Variants in CUL9 observed in about 807,000 individuals in gnomAD.
CUL9 encodes the protein cullin 9, also known as cullin-9.
Under a neutral mutation model 272.6 loss-of-function variants are expected in CUL9, and 79 were observed. The ratio of observed to expected loss-of-function variants is 0.29; its 90% CI spans 0.24 to 0.35. The LOEUF is 0.35. Among genes scored for constraint, CUL9 ranks in the 10% least tolerant of loss-of-function variants. The probability of loss-of-function intolerance (pLI) is 1.00; values close to 1 mark genes in which losing one functional copy is unlikely to be tolerated. For missense variants in CUL9, 2,532 were observed against 3,255.6 expected (o/e 0.78, Z 5.41); for synonymous variants, 1,186 against 1,286.5 (o/e 0.92, Z 1.67).
rs781601031 is a variant in CUL9, at chr6:43,203,837, G to A, written c.4026-17G>A. On this transcript the variant is annotated splice_polypyrimidine_tract_variant and intron_variant, in intron 19 of 40. Transcript: ENST00000252050. The surrounding 1 kb of genome is among the most constrained non-coding windows in gnomAD (Gnocchi z 5.0). ...ATCGGTGCCATTAATCCTCCGCCAT[G>A]CACTGTTTGTTCCCAGACTGAACAG... 17 of 1,598,664 alleles carry A rather than the reference G, an allele frequency of 1.1e-5. No individual in the cohort carries two copies. The highest frequency in any genetic ancestry group is 1.3e-5 in the African/African-American group (1 of 74,764).
rs1360887039 is a variant in CUL9, at chr6:43,221,355, CAAG to C, written c.6752+35_6752+37del. On this transcript the variant is annotated intron_variant, in intron 34 of 40. Transcript: ENST00000252050. The surrounding 1 kb of genome is among the most constrained non-coding windows in gnomAD (Gnocchi z 4.2). ...GGGGGTACTGTGGGGAGCCAGAGGG[CAAG>C]GAGGGGGGAGGAGGCCTGGCAGAAG... is the stretch of plus-strand genomic sequence containing the variant. 6.7e-7 allele frequency: 1 copy of C among 1,494,688 alleles called. No individual in the cohort carries two copies. The highest frequency in any genetic ancestry group is 8.9e-7 in the Non-Finnish European group (1 of 1,123,930). 92.6% of individuals were successfully genotyped at this position (1,494,688 alleles called of 1,614,324 possible). A position where few individuals can be genotyped will look rare whatever the true frequency, so the allele number is the denominator to read the frequency against.
At chr6:43,205,772 TG>T (rs1774994521) in intron 24 of CUL9, among the ~76,000 whole-genome samples, 1 of 147,088 alleles carries the variant, frequency 6.8e-6, no homozygotes, top group African/African-American at 2.5e-5. Context: ...GAGGTTGCAG[TG>T]AGCCAAGACC....
intron 8 of CUL9, among the ~76,000 whole-genome samples, chr6:43,189,869 G>T (rs1303784776): frequency 6.6e-6 from 1 of 152,170 alleles, no homozygotes; most frequent in African/African-American, 2.4e-5. Context: ...GAATGTAAAA[G>T]GACATAGGAG....
chr6:43,224,359 T>G lies in CUL9; in HGVS notation c.7468T>G (p.Phe2490Val), dbSNP rs369700562. 6.2e-7 allele frequency: 1 copy of G among 1,614,210 alleles called. No homozygotes were observed. The change falls in exon 41 of 41, where the codon TTC becomes GTC. Residue 2490 changes from phenylalanine to valine, a missense_variant. Phe to Val is a conservative substitution (Grantham distance 50). Transcript: ENST00000252050. The surrounding 1 kb of genome is among the most constrained non-coding windows in gnomAD (Gnocchi z 4.2). The part of the protein sequence containing the change: ...EFDEELDNDS[F>V]SYDESENLDQ... ...TGATGAGGAGCTGGACAATGACAGC[T>G]TCTCCTACGATGAGTCTGAGAACCT...
At chr6:43,217,841 C>G (rs937296470) in intron 31 of CUL9, among the ~76,000 whole-genome samples, 1 of 152,176 alleles carries the variant, frequency 6.6e-6, no homozygotes, top group African/African-American at 2.4e-5. Context: ...AAAATCCCAG[C>G]AAGAAATGAC....
chr6:43,200,978 AC>A lies in CUL9; in HGVS notation c.3647+146del. On this transcript the variant is annotated intron_variant, in intron 16 of 40. Coordinates refer to ENST00000252050, the MANE Select transcript of CUL9 (RefSeq NM_015089.4). This position sits in a 1 kb window ranked among gnomAD's most constrained non-coding sequence, Gnocchi z 4.0. ...GTGCAGTGAACACATAGACACATTG[AC>A]CTGCCTTTGCTGAGTATAGACATCC... is the stretch of plus-strand genomic sequence containing the variant. 1 of 1,035,782 alleles carries A rather than the reference AC, an allele frequency of 9.7e-7. No individual in the cohort carries two copies. Among genetic ancestry groups the A allele is most frequent in the Non-Finnish European group, 1.4e-6 (1 of 702,158 alleles). 64.2% of individuals were successfully genotyped at this position (1,035,782 alleles called of 1,614,324 possible).
At position 43,199,750 on chromosome 6, in the gene CUL9, C is replaced by T. The variant is rs1352644462; in HGVS notation, c.3157-179C>T. ...CCAAGCTCTGTTCTGCCAACTCACT[C>T]TGGAGTCCCAGCACTCCTCTATTTT... On this transcript the variant is annotated intron_variant, in intron 13 of 40. Transcript: ENST00000252050. This position sits in a 1 kb window ranked among gnomAD's most constrained non-coding sequence, Gnocchi z 4.4. Among the ~76,000 whole-genome samples, 1 of 152,198 alleles carries T rather than the reference C, an allele frequency of 6.6e-6. No individual in the cohort carries two copies. The highest frequency in any genetic ancestry group is 6.5e-5 in the Admixed American group (1 of 15,288).
chr6:43,212,466 C>T (rs1178362027), intron 26 of CUL9, among the ~76,000 whole-genome samples: 2 of 152,088 alleles, frequency 1.3e-5, no homozygotes, highest in African/African-American at 4.8e-5. Context: ...GTTTATCTAC[C>T]CTGAAGTCCG....
At chr6:43,204,909 G>GTCATTTCT (rs796212529) in intron 22 of CUL9, 24 bp from the exon 23 acceptor site, 9 of 1,609,782 alleles carry the variant, frequency 5.6e-6, no homozygotes, top group East Asian at 2.2e-5. Context: ...CTCCTTTTAT[G>GTCATTTCT]TCATTTCTTG....
At position 43,223,283 on chromosome 6, in the gene CUL9, C is replaced by T. The variant is rs1483403826; in HGVS notation, c.7170C>T (p.Cys2390=). 1.3e-6 allele frequency: 2 copies of T among 1,599,538 alleles called. No individual in the cohort carries two copies. The highest frequency in any genetic ancestry group is 1.7e-6 in the Non-Finnish European group (2 of 1,173,034). Residue 2390 remains cysteine, a synonymous_variant, in exon 39 of 41, where the codon TGC becomes TGT. Transcript: ENST00000252050. The surrounding 1 kb of genome is among the most constrained non-coding windows in gnomAD (Gnocchi z 4.1). ...QILLEETLLR[C]RDLASSLRLL... is the part of the protein sequence containing the mutation. ...CTGCAGAGGAAACCCTGCTGCGGTG[C>T]AGAGACCTGGCCTCCTCCCTGCGCC... is the stretch of plus-strand genomic sequence containing the variant.
rs930339266 is a variant in CUL9, at chr6:43,223,457, T to A, written c.7284+60T>A. On this transcript the variant is annotated intron_variant, in intron 39 of 40. Transcript: ENST00000252050. The surrounding 1 kb of genome is among the most constrained non-coding windows in gnomAD (Gnocchi z 4.1). ...TTCTGCGGGAGTTGAGGTCCTCCTG[T>A]CCCAGCACAGCCCCTGCCCTGGGGC... is the stretch of plus-strand genomic sequence containing the variant. The A allele has an allele frequency of 1.6e-5, 24 of 1,528,730 alleles. No individual in the cohort carries two copies. The African/African-American group carries it at 3.0e-4, about 19-fold the overall frequency. 94.7% of individuals were successfully genotyped at this position (1,528,730 alleles called of 1,614,324 possible). A position where few individuals can be genotyped will look rare whatever the true frequency, so the allele number is the denominator to read the frequency against.
Position 43,188,696 on chromosome 6 carries a change from C to T in CUL9, c.2161C>T (p.Arg721Cys), listed in dbSNP as rs770578201. 1.8e-5 allele frequency: 29 copies of T among 1,610,492 alleles called. No individual in the cohort carries two copies. The highest frequency in any genetic ancestry group is 1.6e-4 in the Middle Eastern group (1 of 6,070). ...EVTERDHPLV[R>C]PDRSLREKLV... ...CACTGAGCGGGACCACCCTCTGGTCCGTCCTGACAGATCGCTGAGGTTAGC... is the reference window on the plus strand; with the variant it reads ...CACTGAGCGGGACCACCCTCTGGTCTGTCCTGACAGATCGCTGAGGTTAGC... Residue 721 changes from arginine to cysteine, a missense_variant, in exon 8 of 41, where the codon CGT becomes TGT. By Grantham distance (180) the Arg-to-Cys change is radical. Transcript: ENST00000252050.
rs1210744794 is a variant in CUL9, at chr6:43,224,451, C to A, written c.*6C>A. On this transcript the variant is annotated 3_prime_UTR_variant, in exon 41 of 41. Transcript: ENST00000252050. This position sits in a 1 kb window ranked among gnomAD's most constrained non-coding sequence, Gnocchi z 4.2. ...AAGATGAGGCCTATGACTGAGGGGG[C>A]AGATGCAGGAAACACCTAGAGCAGC... 2 of 1,611,160 alleles carry A rather than the reference C, an allele frequency of 1.2e-6. No homozygotes were observed. Among genetic ancestry groups the A allele is most frequent in the Admixed American group, 1.7e-5 (1 of 59,818 alleles).
chr6:43,216,468 C>T lies in CUL9; in HGVS notation c.6247C>T (p.Leu2083=). Residue 2083 remains leucine, a synonymous_variant, in exon 31 of 41, where the codon CTG becomes TTG. Transcript: ENST00000252050. ...GAGCCCCCTGGGGTGTGACGACGAC[C>T]TGCCCTCTCTCTGCTGCATGCACTA... ...CVSPLGCDDD[L]PSLCCMHYCC... is the part of the protein sequence containing the mutation. The T allele has an allele frequency of 6.2e-7, 1 of 1,602,620 alleles. No homozygotes were observed. Among genetic ancestry groups the T allele is most frequent in the Non-Finnish European group, 8.5e-7 (1 of 1,170,822 alleles).
Position 43,185,494 on chromosome 6 carries a change from G to A in CUL9, c.634G>A (p.Asp212Asn), listed in dbSNP as rs1256666154. The change falls in exon 3 of 41, where the codon GAT (aspartate) becomes AAT (asparagine). Residue 212 changes from aspartate (D) to asparagine (N), a missense_variant. Physicochemically the swap from Asp to Asn is conservative, Grantham distance 23 (BLOSUM62 1). Coordinates refer to ENST00000252050, the MANE Select transcript of CUL9 (RefSeq NM_015089.4). ...AHVLLSLSQQ[D>N]GIEQHMDFDS... ...CGTCCTTCTATCACTGAGCCAGCAAGATGGCATCGAGCAGCACATGGATTT... is the reference window on the plus strand; with the variant it reads ...CGTCCTTCTATCACTGAGCCAGCAAAATGGCATCGAGCAGCACATGGATTT... 6.2e-7 allele frequency: 1 copy of A among 1,613,902 alleles called. No homozygotes were observed. Among genetic ancestry groups the A allele is most frequent in the Non-Finnish European group, 8.5e-7 (1 of 1,180,042 alleles).
intron 16 of CUL9, 69 bp from the exon 17 acceptor site, chr6:43,202,647 T>C (rs1774697397): frequency 1.5e-6 from 2 of 1,365,386 alleles, no homozygotes; most frequent in South Asian, 1.2e-5. Flanking sequence ...TCCCAAAGTG[T>C]TGGGATTACA....
rs1048475543 is a variant in CUL9, at chr6:43,218,374, G to A, written c.6282+1871G>A. Among the ~76,000 whole-genome samples the A allele has an allele frequency of 6.6e-6, 1 of 151,850 alleles. No individual in the cohort carries two copies. The highest frequency in any genetic ancestry group is 1.5e-5 in the Non-Finnish European group (1 of 67,972). On this transcript the variant is annotated intron_variant, in intron 31 of 40. Transcript: ENST00000252050. This position sits in a 1 kb window ranked among gnomAD's most constrained non-coding sequence, Gnocchi z 4.4. ...TGGGACTATAGGCGCCCGCCACCGC[G>A]CCCGGCTAATTTTTTGCATTTTTAG...
At chr6:43,191,307 T>G (rs55810843) in intron 8 of CUL9, among the ~76,000 whole-genome samples, 14,428 of 145,518 alleles carry the variant, frequency 0.099, 1,001 homozygotes, top group Non-Finnish European at 0.14. Flanking sequence ...TTGTTTTTTT[T>G]TTTGTTTGTT....
Position 43,199,702 on chromosome 6 carries a change from G to A in CUL9, c.3157-227G>A, listed in dbSNP as rs1367034969. 6.6e-6 allele frequency among the ~76,000 whole-genome samples: 1 copy of A among 152,198 alleles called. No individual in the cohort carries two copies. Among genetic ancestry groups the A allele is most frequent in the Non-Finnish European group, 1.5e-5 (1 of 68,036 alleles). ...GGGTTAACATAGCTTGGCCTGGGCA[G>A]GAAGCAGCCTGGAAAGCTGTGCCCA... On this transcript the variant is annotated intron_variant, in intron 13 of 40. Coordinates refer to ENST00000252050, the MANE Select transcript of CUL9 (RefSeq NM_015089.4). This position sits in a 1 kb window ranked among gnomAD's most constrained non-coding sequence, Gnocchi z 4.4.
Sources: gnomAD v4.1 joint callset for allele counts (sites outside exome capture counted in the v4.1 genomes callset) on GRCh38, gnomAD v4.1.1 for gene constraint, Gnocchi (gnomAD v3.1) non-coding constraint, MANE v1.5 for transcripts, NCBI Gene and HGNC (gene_info 2026-07-23, HGNC 2026-07-21) for gene names.